Variants in ESYT2 observed in about 807,000 individuals in gnomAD.
The protein encoded by ESYT2 is extended synaptotagmin-2.
In ESYT2, 54 loss-of-function variants were observed where a neutral mutation model predicts 107.2. The observed-to-expected ratio is 0.50, with a 90% CI of 0.40 to 0.63. The LOEUF is 0.63. Among genes scored for constraint, ESYT2 ranks in the 30% least tolerant of loss-of-function variants. ESYT2 has a pLI of 0.00. For synonymous variants in ESYT2, 491 were observed against 434.1 expected (o/e 1.13, Z -1.63); for missense variants, 1,020 against 1,094.5 (o/e 0.93, Z 0.96).
At chr7:158,764,991 T>G (rs1223194033) in intron 8 of ESYT2, 138 bp from the exon 9 acceptor site, 1 of 803,050 alleles carries the variant, frequency 1.2e-6, no homozygotes, top group African/African-American at 1.7e-5. Context: ...GCCGAGTACA[T>G]CCCAGCAGCG....
rs1407189679 is a variant in ESYT2, at chr7:158,739,093, C to A, written c.2197G>T (p.Gly733Trp). Residue 733 changes from glycine to tryptophan, a missense_variant, in exon 19 of 23, where the codon GGG becomes TGG. Transcript: ENST00000275418. ...NGTTLGQSPLGQIQLTIRHSS... is the reference protein window; with the variant it reads ...NGTTLGQSPLWQIQLTIRHSS... ...TGCCGGATGGTCAGCTGGATCTGCC[C>A]CAGTGGAGACTGTCCCAGGGTCGTC... 6.2e-7 allele frequency: 1 copy of A among 1,613,978 alleles called. No individual in the cohort carries two copies.
In ESYT2 at chr7:158,829,153, G is replaced by A. The variant is rs1486263039; in HGVS notation, c.266C>T (p.Ala89Val). The stretch of plus-strand genomic sequence containing the variant: ...GACGCGCTCCTCGTCTTCCAGCAGC[G>A]CCAGCGCGCGGCACAGGCGCAGGGC... ...LKALRLCRALALLEDEERVVR... is the reference protein window; with the variant it reads ...LKALRLCRALVLLEDEERVVR... Residue 89 changes from alanine (A) to valine (V), a missense_variant, in exon 1 of 23, where the codon GCG becomes GTG. Coordinates refer to ENST00000275418, the MANE Select transcript of ESYT2 (RefSeq NM_001367773.1). 6.4e-7 allele frequency: 1 copy of A among 1,559,550 alleles called. No individual in the cohort carries two copies. Among genetic ancestry groups the A allele is most frequent in the South Asian group, 1.1e-5 (1 of 86,958 alleles).
Position 158,733,141 on chromosome 7 carries a change from T to C in ESYT2, c.*1066A>G, listed in dbSNP as rs1261565926. ...CAACCCTGGTGGTGGCCAGTGCACA[T>C]CGGCTCAAAGGTCCCACATCCTATG... On this transcript the variant is annotated 3_prime_UTR_variant, in exon 23 of 23. Transcript: ENST00000275418. The C allele has an allele frequency of 6.6e-6, 1 of 152,204 alleles. No individual in the cohort carries two copies. The highest frequency in any genetic ancestry group is 1.5e-5 in the Non-Finnish European group (1 of 68,028). The allele number at this position is 152,204 out of a possible 1,614,324, so 9.4% of individuals were successfully genotyped here.
chr7:158,772,894 TAA>T (rs3033501), intron 7 of ESYT2, among the ~76,000 whole-genome samples: 1 of 142,030 alleles, frequency 7.0e-6, no homozygotes, highest in African/African-American at 2.6e-5. Context: ...GAATAAAAGT[TAA>T]AAAAAAAAAA....
intron 20 of ESYT2, among the ~76,000 whole-genome samples, chr7:158,736,590 A>G (rs1836959840): frequency 6.8e-6 from 1 of 146,694 alleles, no homozygotes; most frequent in South Asian, 2.2e-4. Context: ...ATGCTGAACA[A>G]TAATACCATT....
intron 6 of ESYT2, among the ~76,000 whole-genome samples, chr7:158,786,174 A>G (rs1340761646): frequency 6.6e-6 from 1 of 152,250 alleles, no homozygotes; most frequent in East Asian, 1.9e-4. Context: ...TTTTAAAAGT[A>G]AAGTCATCAA....
At chr7:158,822,111 AAATG>A (rs1285930830) in intron 1 of ESYT2, among the ~76,000 whole-genome samples, 2 of 152,244 alleles carry the variant, frequency 1.3e-5, no homozygotes, top group African/African-American at 4.8e-5. Flanking sequence ...TTACATCTCT[AAATG>A]AAGAAATAAA....
At chr7:158,804,469 A>G (rs1839757994) in intron 1 of ESYT2, among the ~76,000 whole-genome samples, 1 of 147,370 alleles carries the variant, frequency 6.8e-6, no homozygotes, top group Non-Finnish European at 1.5e-5. Flanking sequence ...GACAAACCCA[A>G]ACTGCCGAGA....
At chr7:158,757,498 G>A (rs1207199067) in intron 13 of ESYT2, among the ~76,000 whole-genome samples, 2 of 152,282 alleles carry the variant, frequency 1.3e-5, no homozygotes, top group South Asian at 2.1e-4. Context: ...AGAGCACCAG[G>A]AGCACCACAG....
At chr7:158,803,766 C>T (rs1028611485) in intron 1 of ESYT2, among the ~76,000 whole-genome samples, 1 of 150,982 alleles carries the variant, frequency 6.6e-6, no homozygotes, top group African/African-American at 2.4e-5. Flanking sequence ...CGCGACAAAC[C>T]CAAACCGCCG....
intron 4 of ESYT2, among the ~76,000 whole-genome samples, chr7:158,792,160 C>CTTTTT (rs113589859): frequency 0.017 from 2,095 of 123,276 alleles, 76 homozygotes; most frequent in African/African-American, 0.059. Flanking sequence ...TCCACGAGTT[C>CTTTTT]TTTTTTTTTT....
intron 4 of ESYT2, among the ~76,000 whole-genome samples, chr7:158,789,740 A>C (rs1391163537): frequency 6.6e-6 from 1 of 152,196 alleles, no homozygotes; most frequent in Admixed American, 6.5e-5. Context: ...GCTTGTCTGG[A>C]ACTCACAACA....
At chr7:158,811,523 G>C (rs1483239989) in intron 1 of ESYT2, among the ~76,000 whole-genome samples, 3 of 152,214 alleles carry the variant, frequency 2.0e-5, no homozygotes, top group African/African-American at 7.2e-5. Flanking sequence ...AGACCATAAA[G>C]ATGAACCATG....
At position 158,761,560 on chromosome 7, in the gene ESYT2, T is replaced by C. The variant is rs1563633691; in HGVS notation, c.1185-16A>G. 8 of 1,608,948 alleles carry C rather than the reference T, an allele frequency of 5.0e-6. No homozygotes were observed. In the East Asian group the frequency reaches 1.6e-4, roughly 31 times the overall value. The stretch of plus-strand genomic sequence containing the variant: ...AATCATAAGACTATAAAAATAACAA[T>C]ACGACAACTTTAGAACATAGAAACA... On this transcript the variant is annotated splice_polypyrimidine_tract_variant and intron_variant, in intron 10 of 22. Coordinates refer to ENST00000275418, the MANE Select transcript of ESYT2 (RefSeq NM_001367773.1).
chr7:158,766,951 T>C (rs1285442019), intron 8 of ESYT2, among the ~76,000 whole-genome samples: 1 of 152,206 alleles, frequency 6.6e-6, no homozygotes, highest in African/African-American at 2.4e-5. Flanking sequence ...AATCTCATGT[T>C]CTTGACTACT....
Position 158,788,361 on chromosome 7 carries a change from C to A in ESYT2, c.641G>T (p.Gly214Val). The change falls in exon 5 of 23, where the codon GGT becomes GTT. Residue 214 changes from glycine to valine, a missense_variant. Coordinates refer to ENST00000275418, the MANE Select transcript of ESYT2 (RefSeq NM_001367773.1). ...AAAACTTACCTGGATACTTTTCACA[C>A]CAGCTCTACAAAAATATCGTTTGAT... ...LEIKRYFCRAGVKSIQIHGTM... is the reference protein window; with the variant it reads ...LEIKRYFCRAVVKSIQIHGTM... 6.2e-7 allele frequency: 1 copy of A among 1,611,294 alleles called. No homozygotes were observed. The highest frequency in any genetic ancestry group is 1.1e-5 in the South Asian group (1 of 89,904).
At position 158,768,339 on chromosome 7, in the gene ESYT2, C is replaced by A. The variant is rs894549383; in HGVS notation, c.804-565G>T. On this transcript the variant is annotated intron_variant, in intron 7 of 22. Coordinates refer to ENST00000275418, the MANE Select transcript of ESYT2 (RefSeq NM_001367773.1). ...ATTATCCAACACTTTGAGTATTGGA[C>A]ACATTAATAATTTTTGAAATACTAT... 2.0e-5 allele frequency among the ~76,000 whole-genome samples: 3 copies of A among 152,138 alleles called. No individual in the cohort carries two copies. In the East Asian group the frequency reaches 5.8e-4, roughly 29 times the overall value.
chr7:158,750,863 T>A (rs1460675843), intron 14 of ESYT2, among the ~76,000 whole-genome samples: 1 of 152,164 alleles, frequency 6.6e-6, no homozygotes, highest in Non-Finnish European at 1.5e-5. Context: ...GGAGGCTGTG[T>A]CCCCTCGGGC....
chr7:158,828,820 CGGGGGGCGGGGCG>C (rs1335017944), intron 1 of ESYT2, among the ~76,000 whole-genome samples: 1 of 129,818 alleles, frequency 7.7e-6, no homozygotes, highest in African/African-American at 2.8e-5. Flanking sequence ...GAGTCGGGGC[CGGGGGGCGGGGCG>C]GGGTCTGCAC....
Sources: allele counts gnomAD v4.1 joint callset (sites outside exome capture counted in the v4.1 genomes callset), GRCh38; gene constraint gnomAD v4.1.1; transcripts MANE v1.5; gene names NCBI Gene and HGNC (gene_info 2026-07-23, HGNC 2026-07-21).